The following HLA-DQA2 variants were observed in gnomAD, a reference collection of about 807,000 sequenced individuals.
The protein encoded by HLA-DQA2 is major histocompatibility complex, class II, DQ alpha 2.
Under a neutral mutation model 21.0 loss-of-function variants are expected in HLA-DQA2, and 17 were observed. The ratio of observed to expected loss-of-function variants is 0.81; its 90% CI spans 0.56 to 1.22. HLA-DQA2 has a LOEUF of 1.22. HLA-DQA2 is among the 50% of genes most tolerant of loss of function. The pLI is 0.00. For missense variants in HLA-DQA2, 239 were observed against 308.8 expected, an observed-to-expected ratio of 0.77 and a Z score of 1.69; for synonymous variants, 81 against 116.5, an observed-to-expected ratio of 0.70 and a Z score of 1.96.
chr6:32,744,439 T>TG (rs1288850424), intron 1 of HLA-DQA2, among the ~76,000 whole-genome samples: 116 of 129,288 alleles, frequency 9.0e-4, no homozygotes, highest in South Asian at 2.0e-3. Flanking sequence ...AAAAAAAAAG[T>TG]GGGGGCAATG....
At position 32,746,655 on chromosome 6, in the gene HLA-DQA2, CA is replaced by C; in HGVS notation, c.*95del. On this transcript the variant is annotated 3_prime_UTR_variant, in exon 5 of 5. Coordinates refer to ENST00000374940, the MANE Select transcript of HLA-DQA2 (RefSeq NM_020056.5). Reference sequence around the variant, plus strand: ...AGCACTATTCTCTGGCCTGATTTATCATATCCCTTTTCTCCTCCAAATGTTT... The same window carrying C: ...AGCACTATTCTCTGGCCTGATTTATCTATCCCTTTTCTCCTCCAAATGTTT... The C allele has an allele frequency of 1.4e-6, 1 of 692,300 alleles. No homozygotes were observed. The highest frequency in any genetic ancestry group is 1.8e-5 in the African/African-American group (1 of 57,126). The allele number at this position is 692,300 out of a possible 1,614,324, so 42.9% of individuals were successfully genotyped here.
chr6:32,745,399 C>A lies in HLA-DQA2; in HGVS notation c.323C>A (p.Ala108Asp). The A allele has an allele frequency of 6.2e-7, 1 of 1,611,796 alleles. No homozygotes were observed. Among genetic ancestry groups the A allele is most frequent in the Non-Finnish European group, 8.5e-7 (1 of 1,179,230 alleles). ...ATGAGACAGTCCAACTCTACCGCTG[C>A]CACCAATGGTACGTGTCCACCATTC... The part of the protein sequence containing the change: ...FMMRQSNSTA[A>D]TNEVPEVTVF... Residue 108 changes from alanine (A) to aspartate (D), a missense_variant, in exon 2 of 5, where the codon GCC becomes GAC. Transcript: ENST00000374940.
At position 32,745,257 on chromosome 6, in the gene HLA-DQA2, G is replaced by T; in HGVS notation, c.181G>T (p.Asp61Tyr). The T allele has an allele frequency of 6.2e-7, 1 of 1,614,080 alleles. No individual in the cohort carries two copies. The highest frequency in any genetic ancestry group is 8.5e-7 in the Non-Finnish European group (1 of 1,180,008). The change falls in exon 2 of 5, where the codon GAC becomes TAC. Residue 61 changes from aspartate to tyrosine, a missense_variant. Transcript: ENST00000374940. ...EFDGDEEFYVDLETKETVWQL... is the reference protein window; with the variant it reads ...EFDGDEEFYVYLETKETVWQL... ...TGATGGAGACGAGGAGTTCTATGTG[G>T]ACCTGGAGACGAAAGAGACTGTCTG...
chr6:32,745,515 AT>A, intron 2 of HLA-DQA2, 108 bp downstream of exon 2: 1 of 1,221,518 alleles, frequency 8.2e-7, no homozygotes, highest in East Asian at 2.3e-5. Flanking sequence ...AATTGCTGAA[AT>A]TTTATCATCT....
At chr6:32,745,456 C>A in intron 2 of HLA-DQA2, 49 bp downstream of exon 2, 1 of 1,584,252 alleles carries the variant, frequency 6.3e-7, no homozygotes, top group Middle Eastern at 1.7e-4. Context: ...ATCTTTCATA[C>A]CAAGTTTTAC....
chr6:32,746,181 C>T (rs1763577229), intron 3 of HLA-DQA2, 59 bp from the exon 4 acceptor site: 1 of 1,590,878 alleles, frequency 6.3e-7, no homozygotes, highest in Admixed American at 1.7e-5. Context: ...CCATCCCATC[C>T]CACACACATG....
chr6:32,746,123 T>A (rs765843111), intron 3 of HLA-DQA2, 51 bp downstream of exon 3: 4 of 1,429,988 alleles, frequency 2.8e-6, no homozygotes, highest in Non-Finnish European at 3.8e-6. Context: ...GACTTCACTC[T>A]TCTCCCTAAG....
At chr6:32,743,987 G>T (rs774500587) in intron 1 of HLA-DQA2, among the ~76,000 whole-genome samples, 2 of 150,452 alleles carry the variant, frequency 1.3e-5, no homozygotes, top group Non-Finnish European at 3.0e-5. Flanking sequence ...ACAGACCCTT[G>T]CAAAGACATG....
intron 1 of HLA-DQA2, among the ~76,000 whole-genome samples, chr6:32,744,684 A>AG (rs1763439767): frequency 1.3e-4 from 14 of 111,602 alleles, no homozygotes; most frequent in African/African-American, 3.4e-4. Context: ...AAAAAAAAAA[A>AG]AAAAGGAAAC....
chr6:32,746,325 G>C lies in HLA-DQA2; in HGVS notation c.699G>C (p.Val233=), dbSNP rs1310399991. The C allele has an allele frequency of 1.9e-6, 3 of 1,613,108 alleles. No individual in the cohort carries two copies. Among genetic ancestry groups the C allele is most frequent in the African/African-American group, 2.7e-5 (2 of 75,048 alleles). The change falls in exon 4 of 5, where the codon GTG becomes GTC. Residue 233 remains valine (V), a synonymous_variant. Coordinates refer to ENST00000374940, the MANE Select transcript of HLA-DQA2 (RefSeq NM_020056.5). ...TGTCTGTGGGCCTCATGGGCATTGT[G>C]GTGGGCACTGTCTTCATCATCCAAG... ...LGLSVGLMGI[V]VGTVFIIQGL...
chr6:32,743,026 C>T (rs1233533166), intron 1 of HLA-DQA2, among the ~76,000 whole-genome samples: 1 of 147,326 alleles, frequency 6.8e-6, no homozygotes, highest in Non-Finnish European at 1.5e-5. Flanking sequence ...CCACTGTGCA[C>T]GGCTAATTTT....
At chr6:32,747,183 C>CAAAAAAAAAAAAAAAAAAAAAA (rs3040582) in exon 5 of HLA-DQA2, 3 of 126,104 alleles carry the variant, frequency 2.4e-5, no homozygotes, top group Admixed American at 8.4e-5. Flanking sequence ...AGCAGAAATA[C>CAAAAAAAAAAAAAAAAAAAAAA]AAAAAAAAAA....
In HLA-DQA2 at chr6:32,746,913, T is replaced by C. The variant is rs116570528; in HGVS notation, c.*352T>C. On this transcript the variant is annotated 3_prime_UTR_variant, in exon 5 of 5. Coordinates refer to ENST00000374940, the MANE Select transcript of HLA-DQA2 (RefSeq NM_020056.5). ...TGATGCCTCTATTGAATTTTTCCCA[T>C]CTTTCATCTCAGGGCTGACTGAGAG... The C allele has an allele frequency of 2.3e-3, 791 of 340,156 alleles. 3 individuals are homozygous for C. Among genetic ancestry groups the C allele is most frequent in the African/African-American group, 0.016 (741 of 46,688 alleles). The allele number at this position is 340,156 out of a possible 1,614,324, so 21.1% of individuals were successfully genotyped here.
intron 1 of HLA-DQA2, among the ~76,000 whole-genome samples, chr6:32,742,934 C>A (rs1763315287): frequency 6.9e-6 from 1 of 143,974 alleles, no homozygotes. Context: ...GGCACGATCT[C>A]GGCTCACTGC....
At chr6:32,744,730 G>A (rs1763443838) in intron 1 of HLA-DQA2, among the ~76,000 whole-genome samples, 1 of 151,614 alleles carries the variant, frequency 6.6e-6, no homozygotes, top group Non-Finnish European at 1.5e-5. Flanking sequence ...ATCTAGTCCT[G>A]ACAGGAAACG....
chr6:32,746,497 A>T, intron 4 of HLA-DQA2, 83 bp downstream of exon 4: 1 of 1,527,170 alleles, frequency 6.5e-7, no homozygotes, highest in African/African-American at 1.4e-5. Flanking sequence ...AATGTGGTTG[A>T]AAGTTGTAGG....
At chr6:32,745,770 A>C in intron 2 of HLA-DQA2, 21 bp from the exon 3 acceptor site, 1 of 1,613,110 alleles carries the variant, frequency 6.2e-7, no homozygotes, top group Non-Finnish European at 8.5e-7. Context: ...ACTTCACATC[A>C]GTGCTGTTTC....
intron 1 of HLA-DQA2, among the ~76,000 whole-genome samples, chr6:32,743,562 G>A (rs1044423697): frequency 8.6e-5 from 13 of 150,936 alleles, no homozygotes; most frequent in Non-Finnish European, 1.9e-4. Context: ...AGCAGAGGCT[G>A]AAACTATAAA....
rs9276440 is a variant in HLA-DQA2 at position 32,747,006 on chromosome 6, A to G, written c.*445A>G. 1.6e-4 allele frequency: 41 copies of G among 257,410 alleles called. No individual in the cohort carries two copies. Among genetic ancestry groups the G allele is most frequent in the African/African-American group, 8.7e-4 (39 of 44,792 alleles). 15.9% of individuals were successfully genotyped at this position (257,410 alleles called of 1,614,324 possible). The stretch of plus-strand genomic sequence containing the variant: ...ATATCATTCCCCAGATCATATTTCA[A>G]GTCCAGTAACACAGGAGCAACCAAG... On this transcript the variant is annotated 3_prime_UTR_variant, in exon 5 of 5. Transcript: ENST00000374940.
Sources: gnomAD v4.1 joint callset for allele counts (sites outside exome capture counted in the v4.1 genomes callset) on GRCh38, gnomAD v4.1.1 for gene constraint, MANE v1.5 for transcripts, NCBI Gene and HGNC (gene_info 2026-07-23, HGNC 2026-07-21) for gene names.